TXNDC16: variants seen among roughly 807,000 people sequenced by gnomAD.
TXNDC16 encodes thioredoxin domain containing 16.
TXNDC16 carries 74 observed loss-of-function variants against 85.6 expected under a neutral mutation model. The ratio of observed to expected loss-of-function variants is 0.86; its 90% confidence interval spans 0.72 to 1.05. TXNDC16 has a LOEUF of 1.05. Ranked by LOEUF, TXNDC16 falls within the 50% of genes least tolerant of loss-of-function variation. The pLI, the probability that TXNDC16 is intolerant of heterozygous loss-of-function variation, is 0.00. For missense variants in TXNDC16, 959 were observed against 947.0 expected, an observed-to-expected ratio of 1.01 and a Z score of -0.17; for synonymous variants, 335 against 326.5, an observed-to-expected ratio of 1.03 and a Z score of -0.28.
rs2034882162 is a variant in TXNDC16 at position 52,431,075 on chromosome 14, T to G, written c.*1229A>C. ...TATTCTCAACAAATGTCTCAAAAAA[T>G]GCACAGAGCAAAAATGAGACAAACA... On this transcript the variant is annotated 3_prime_UTR_variant, in exon 21 of 21. Coordinates refer to ENST00000281741, the MANE Select transcript of TXNDC16 (RefSeq NM_020784.3). The G allele has an allele frequency of 6.6e-6, 1 of 152,134 alleles. No individual in the cohort carries two copies. Among genetic ancestry groups the G allele is most frequent in the Admixed American group, 6.5e-5 (1 of 15,272 alleles). 9.4% of individuals were successfully genotyped at this position (152,134 alleles called of 1,614,324 possible). A position where few individuals can be genotyped will look rare whatever the true frequency, so the allele number is the denominator to read the frequency against.
At position 52,508,495 on chromosome 14, in the gene TXNDC16, G is replaced by A. The variant is rs2036870592; in HGVS notation, c.756+2745C>T. 2.0e-5 allele frequency among the ~76,000 whole-genome samples: 3 copies of A among 152,314 alleles called. No homozygotes were observed. In the South Asian group the frequency reaches 6.2e-4, roughly 32 times the overall value. ...ACTGTAAACTAGTTCAACCATTGTG[G>A]AAGTCAGTGTGGGGATTCCTCAGGG... is the stretch of plus-strand genomic sequence containing the variant. On this transcript the variant is annotated intron_variant, in intron 9 of 20. Coordinates refer to ENST00000281741, the MANE Select transcript of TXNDC16 (RefSeq NM_020784.3).
chr14:52,528,043 A>C (rs2037379848), intron 6 of TXNDC16, among the ~76,000 whole-genome samples: 1 of 152,188 alleles, frequency 6.6e-6, no homozygotes, highest in Non-Finnish European at 1.5e-5. Context: ...TATGTTTCAA[A>C]TATTAACAAT....
intron 1 of TXNDC16, among the ~76,000 whole-genome samples, chr14:52,551,636 C>T (rs2038051288): frequency 6.6e-6 from 1 of 152,040 alleles, no homozygotes; most frequent in Admixed American, 6.5e-5. Context: ...TTTTGCACTA[C>T]TTGCTAATCT....
chr14:52,538,795 T>A (rs537889875), intron 4 of TXNDC16, among the ~76,000 whole-genome samples: 4 of 152,280 alleles, frequency 2.6e-5, no homozygotes, highest in African/African-American at 9.6e-5. Context: ...TGTTGTTCAA[T>A]TTAATTTTAA....
At chr14:52,546,885 A>G (rs181306064) in intron 1 of TXNDC16, among the ~76,000 whole-genome samples, 7 of 152,370 alleles carry the variant, frequency 4.6e-5, no homozygotes, top group Non-Finnish European at 7.3e-5. Context: ...ACTGGAGCTA[A>G]GCAAGTGACC....
In TXNDC16 at chr14:52,435,687, G is replaced by A. The variant is rs2035008985; in HGVS notation, c.2195-3100C>T. Among the ~76,000 whole-genome samples, 5 of 152,140 alleles carry A rather than the reference G, an allele frequency of 3.3e-5. No homozygotes were observed. The South Asian group carries it at 1.0e-3, about 31-fold the overall frequency. On this transcript the variant is annotated intron_variant, in intron 20 of 20. Coordinates refer to ENST00000281741, the MANE Select transcript of TXNDC16 (RefSeq NM_020784.3). ...TTGAAAACAAAGAATAGGGCCAGGTGCAGTGGCTCATGCCTGTAATCCCAA... is the reference window on the plus strand; with the variant it reads ...TTGAAAACAAAGAATAGGGCCAGGTACAGTGGCTCATGCCTGTAATCCCAA...
chr14:52,548,736 G>C (rs997428947), intron 1 of TXNDC16, among the ~76,000 whole-genome samples: 1 of 152,014 alleles, frequency 6.6e-6, no homozygotes, highest in East Asian at 1.9e-4. Flanking sequence ...CAAAAAATTA[G>C]CTGGGCATAG....
At position 52,432,434 on chromosome 14, in the gene TXNDC16, T is replaced by C. The variant is rs765795951; in HGVS notation, c.2348A>G (p.Asp783Gly). ...CGGTTCTTTTCTGACTGCCGATTTA[T>C]CTTCATGTTGTTCCTTATCATTCTC... is the stretch of plus-strand genomic sequence containing the variant. Reference protein sequence around the residue: ...VQENDKEQHEDKSAVRKEPIE... With the variant: ...VQENDKEQHEGKSAVRKEPIE... Residue 783 changes from aspartate (D) to glycine (G), a missense_variant, in exon 21 of 21, where the codon GAT becomes GGT. By Grantham distance (94) the Asp-to-Gly change is moderately conservative. Transcript: ENST00000281741. The C allele has an allele frequency of 7.4e-6, 12 of 1,613,998 alleles. No homozygotes were observed. The African/African-American group carries it at 1.6e-4, about 22-fold the overall frequency.
At chr14:52,513,097 G>A (rs968931673) in intron 8 of TXNDC16, among the ~76,000 whole-genome samples, 5 of 152,088 alleles carry the variant, frequency 3.3e-5, no homozygotes, top group African/African-American at 1.2e-4. Flanking sequence ...GGGAATATAG[G>A]GAAGTAGCAG....
At position 52,519,231 on chromosome 14, in the gene TXNDC16, T is replaced by C; in HGVS notation, c.455A>G (p.Asn152Ser). The C allele has an allele frequency of 6.2e-7, 1 of 1,610,398 alleles. No individual in the cohort carries two copies. The highest frequency in any genetic ancestry group is 8.5e-7 in the Non-Finnish European group (1 of 1,177,850). Residue 152 changes from asparagine (N) to serine (S), a missense_variant, in exon 7 of 21, where the codon AAT (asparagine) becomes AGT (serine). Asn to Ser is a conservative substitution (Grantham distance 46, BLOSUM62 1). Transcript: ENST00000281741. Reference sequence around the variant, plus strand: ...AATATTTGCTTTTCCTTTCAGAGCATTTTCTATGTTCTGAAGGTCTTCCAG... The same window carrying C: ...AATATTTGCTTTTCCTTTCAGAGCACTTTCTATGTTCTGAAGGTCTTCCAG... ...TNLEDLQNIENALKGKANIIF... is the reference protein window; with the variant it reads ...TNLEDLQNIESALKGKANIIF...
chr14:52,499,460 T>C (rs1325331849), intron 9 of TXNDC16, among the ~76,000 whole-genome samples: 3 of 152,062 alleles, frequency 2.0e-5, no homozygotes, highest in Non-Finnish European at 2.9e-5. Flanking sequence ...ATTTTTTAAA[T>C]GGACAAAAGA....
intron 6 of TXNDC16, among the ~76,000 whole-genome samples, chr14:52,521,121 T>C (rs181790448): frequency 1.0e-3 from 152 of 149,090 alleles, no homozygotes; most frequent in African/African-American, 3.3e-3. Flanking sequence ...GGTGTTTTAC[T>C]TTTTTTTTTG....
chr14:52,432,121 C>T lies in TXNDC16; in HGVS notation c.*183G>A. 1 of 469,652 alleles carries T rather than the reference C, an allele frequency of 2.1e-6. No homozygotes were observed. The highest frequency in any genetic ancestry group is 3.5e-6 in the Non-Finnish European group (1 of 283,168). 29.1% of individuals were successfully genotyped at this position (469,652 alleles called of 1,614,324 possible). A position where few individuals can be genotyped will look rare whatever the true frequency, so the allele number is the denominator to read the frequency against. ...AAAAGTAATATCAAAATTATTTTGCCCTGCTCACTTTTACTTTGTTTAATG... is the reference window on the plus strand; with the variant it reads ...AAAAGTAATATCAAAATTATTTTGCTCTGCTCACTTTTACTTTGTTTAATG... On this transcript the variant is annotated 3_prime_UTR_variant, in exon 21 of 21. Transcript: ENST00000281741.
rs577277553 is a variant in TXNDC16, at chr14:52,486,845, G to A, written c.1108+1518C>T. Among the ~76,000 whole-genome samples, 83 of 152,142 alleles carry A rather than the reference G, an allele frequency of 5.5e-4. 1 individual carries two copies. The highest frequency in any genetic ancestry group is 1.8e-3 in the African/African-American group (73 of 41,518). On this transcript the variant is annotated intron_variant, in intron 12 of 20. Coordinates refer to ENST00000281741, the MANE Select transcript of TXNDC16 (RefSeq NM_020784.3). ...TTGAATGTTTCCAACACAAAGAAAC[G>A]ATAAATGTTTGAAATGATGGATACA...
intron 16 of TXNDC16, among the ~76,000 whole-genome samples, chr14:52,465,680 C>A (rs2035757681): frequency 6.6e-6 from 1 of 151,098 alleles, no homozygotes; most frequent in South Asian, 2.1e-4. Flanking sequence ...CCCAGAAATA[C>A]TATCGGTCAG....
At chr14:52,452,631 G>C (rs2035438624) in intron 18 of TXNDC16, among the ~76,000 whole-genome samples, 1 of 152,062 alleles carries the variant, frequency 6.6e-6, no homozygotes. Flanking sequence ...GATATCCATA[G>C]GCAGAATGAA....
chr14:52,510,596 T>C (rs1349117242), intron 9 of TXNDC16, among the ~76,000 whole-genome samples: 1 of 152,230 alleles, frequency 6.6e-6, no homozygotes, highest in East Asian at 1.9e-4. Flanking sequence ...CTTAAAACTT[T>C]TCCTTCATAC....
At chr14:52,507,575 T>C (rs1352144339) in intron 9 of TXNDC16, among the ~76,000 whole-genome samples, 1 of 152,186 alleles carries the variant, frequency 6.6e-6, no homozygotes, top group African/African-American at 2.4e-5. Context: ...TTTAAGTTCA[T>C]ATGGAACCAA....
chr14:52,453,991 T>C lies in TXNDC16; in HGVS notation c.1842+1333A>G, dbSNP rs139564988. Among the ~76,000 whole-genome samples the C allele has an allele frequency of 3.1e-4, 47 of 152,314 alleles. No homozygotes were observed. The East Asian group carries it at 8.5e-3, about 27-fold the overall frequency. On this transcript the variant is annotated intron_variant, in intron 18 of 20. Transcript: ENST00000281741. ...TATTTGCCAGTATAACAGGGTGATA[T>C]AGTAAAAAATAATTTAATTGTTCAT...
Sources: allele counts gnomAD v4.1 joint callset (sites outside exome capture counted in the v4.1 genomes callset), GRCh38; gene constraint gnomAD v4.1.1; transcripts MANE v1.5; gene names NCBI Gene and HGNC (gene_info 2026-07-23, HGNC 2026-07-21).